The following PPARG variants were observed in gnomAD, a reference collection of about 807,000 sequenced individuals.
PPARG encodes the protein peroxisome proliferator-activated receptor gamma.
In PPARG, 17 loss-of-function variants were observed where a neutral mutation model predicts 39.2. The ratio of observed to expected loss-of-function variants is 0.43; its 90% CI spans 0.30 to 0.65. The LOEUF (loss-of-function observed/expected upper bound fraction) is 0.65, where lower values mean the gene tolerates loss of function less well. PPARG is among the 30% of genes least tolerant of loss of function. The pLI is 0.13. For synonymous variants in PPARG, 223 were observed against 215.7 expected (o/e 1.03, Z -0.30); for missense variants, 406 against 585.9 (o/e 0.69, Z 3.17).
intron 1 of PPARG, among the ~76,000 whole-genome samples, chr3:12,302,600 AT>A (rs1411191125): frequency 1.3e-5 from 2 of 152,238 alleles, no homozygotes; most frequent in Non-Finnish European, 2.9e-5. Context: ...AAAGCCTGGA[AT>A]AGCAAATAAG....
At chr3:12,309,592 G>A (rs2047170414) in intron 1 of PPARG, among the ~76,000 whole-genome samples, 1 of 152,174 alleles carries the variant, frequency 6.6e-6, no homozygotes, top group Non-Finnish European at 1.5e-5. Context: ...AACAGCTTAT[G>A]TAGTAAGAAA....
chr3:12,338,833 T>G (rs2048090408), intron 2 of PPARG, among the ~76,000 whole-genome samples: 1 of 152,208 alleles, frequency 6.6e-6, no homozygotes, highest in Non-Finnish European at 1.5e-5. Context: ...TCACTAACCT[T>G]AGACAACTAA....
intron 1 of PPARG, among the ~76,000 whole-genome samples, chr3:12,304,209 C>T (rs1305215728): frequency 6.6e-6 from 1 of 152,198 alleles, no homozygotes; most frequent in Admixed American, 6.5e-5. Context: ...ATCATTCATT[C>T]TTGCCCCCGT....
intron 2 of PPARG, among the ~76,000 whole-genome samples, chr3:12,374,002 TATG>T (rs551986387): frequency 2.7e-4 from 41 of 152,228 alleles, no homozygotes; most frequent in African/African-American, 8.9e-4. Flanking sequence ...GGGCAGATAG[TATG>T]ATATGCCCAG....
intron 2 of PPARG, among the ~76,000 whole-genome samples, chr3:12,360,733 T>C (rs542045540): frequency 6.6e-6 from 1 of 152,352 alleles, no homozygotes; most frequent in African/African-American, 2.4e-5. Context: ...TTAGCATTTA[T>C]TCGTGAGATT....
rs577888550 is a variant in PPARG at position 12,407,151 on chromosome 3, T to TTTG, written c.729+1094_729+1096dup. ...CCTGGATCATGTCTCTGTACCTCAG[T>TTTG]TTGTTGTTGTTGTTGTTGTTGTTGT... On this transcript the variant is annotated intron_variant, in intron 6 of 7. Coordinates refer to ENST00000651735, the MANE Select transcript of PPARG (RefSeq NM_138711.6). Among the ~76,000 whole-genome samples the TTTG allele has an allele frequency of 6.5e-3, 983 of 151,668 alleles. 6 individuals are homozygous for TTTG. The highest frequency in any genetic ancestry group is 7.3e-3 in the Non-Finnish European group (498 of 67,874).
At chr3:12,411,609 C>T (rs955233756) in intron 6 of PPARG, among the ~76,000 whole-genome samples, 1 of 152,106 alleles carries the variant, frequency 6.6e-6, no homozygotes, top group African/African-American at 2.4e-5. Flanking sequence ...AACCCAGAAT[C>T]GGGGCTTAGG....
intron 4 of PPARG, among the ~76,000 whole-genome samples, chr3:12,390,506 A>T (rs901393857): frequency 2.6e-5 from 4 of 152,042 alleles, no homozygotes; most frequent in Admixed American, 2.6e-4. Context: ...TAGAAACCTC[A>T]TACCAAATTT....
At chr3:12,371,866 C>T (rs1484644581) in intron 2 of PPARG, 1 of 695,086 alleles carries the variant, frequency 1.4e-6, no homozygotes, top group African/African-American at 1.8e-5. Context: ...CAGGATGATT[C>T]TTGTCTCTGG....
intron 6 of PPARG, chr3:12,406,288 T>C: frequency 1.6e-6 from 1 of 618,936 alleles, no homozygotes; most frequent in Non-Finnish European, 2.9e-6. Flanking sequence ...GGGAGAAAAG[T>C]CCATAAAGTT....
intron 1 of PPARG, among the ~76,000 whole-genome samples, chr3:12,294,652 T>C (rs1344484691): frequency 2.0e-5 from 3 of 152,300 alleles, no homozygotes; most frequent in East Asian, 3.9e-4. Flanking sequence ...CCCAGCACTT[T>C]GGGAGACAGA....
At chr3:12,298,062 G>A (rs1173732759) in intron 1 of PPARG, 1 of 151,654 alleles carries the variant, frequency 6.6e-6, no homozygotes, top group Non-Finnish European at 1.5e-5. Flanking sequence ...CACTTTGGGA[G>A]GCCGAGGCGG....
intron 2 of PPARG, chr3:12,351,587 G>A (rs745378751): frequency 6.3e-7 from 1 of 1,594,976 alleles, no homozygotes; most frequent in Non-Finnish European, 8.6e-7. Flanking sequence ...CCTATTCCAT[G>A]CTGTTATGGG....
intron 2 of PPARG, among the ~76,000 whole-genome samples, chr3:12,326,423 G>C (rs2047695860): frequency 6.6e-6 from 1 of 152,144 alleles, no homozygotes; most frequent in Non-Finnish European, 1.5e-5. Context: ...AAAATCAACA[G>C]ATACATCTCT....
chr3:12,355,178 G>A (rs1415229382), intron 2 of PPARG, among the ~76,000 whole-genome samples: 2 of 152,004 alleles, frequency 1.3e-5, no homozygotes, highest in African/African-American at 4.8e-5. Context: ...TGTCACCCAG[G>A]CTAGAGTGCA....
At chr3:12,316,679 A>G (rs1263365081) in intron 2 of PPARG, among the ~76,000 whole-genome samples, 16 of 151,846 alleles carry the variant, frequency 1.1e-4, no homozygotes, top group Admixed American at 1.0e-3. Context: ...GTCTGGCTCT[A>G]AGGGGAATCT....
chr3:12,353,302 A>T (rs2125098238), intron 2 of PPARG, among the ~76,000 whole-genome samples: 1 of 152,300 alleles, frequency 6.6e-6, no homozygotes, highest in East Asian at 1.9e-4. Context: ...TCTGGCTACT[A>T]CTTCTTCATA....
chr3:12,367,086 C>G (rs770784475), intron 2 of PPARG, among the ~76,000 whole-genome samples: 3 of 152,088 alleles, frequency 2.0e-5, no homozygotes, highest in Non-Finnish European at 2.9e-5. Context: ...AGGCCTATTC[C>G]ATTTCTCTAT....
intron 2 of PPARG, among the ~76,000 whole-genome samples, chr3:12,369,729 G>A (rs184024628): frequency 1.7e-3 from 258 of 152,298 alleles, no homozygotes; most frequent in African/African-American, 5.9e-3. Context: ...GTTGAGCCAA[G>A]CAGTGTGCTA....
Sources: gnomAD v4.1 joint callset for allele counts (sites outside exome capture counted in the v4.1 genomes callset) on GRCh38, gnomAD v4.1.1 for gene constraint, MANE v1.5 for transcripts, NCBI Gene and HGNC (gene_info 2026-07-23, HGNC 2026-07-21) for gene names.